CRAMP1: variants seen among roughly 807,000 people sequenced by gnomAD.
CRAMP1 encodes the protein cramped chromatin regulator 1, also known as protein cramped-like.
CRAMP1 carries 50 observed loss-of-function variants against 115.4 expected under a neutral mutation model. The ratio of observed to expected loss-of-function variants is 0.43; its 90% CI spans 0.35 to 0.55. CRAMP1 has a LOEUF of 0.55. Among genes scored for constraint, CRAMP1 ranks in the 20% least tolerant of loss-of-function variants. The pLI, the probability that CRAMP1 is intolerant of heterozygous loss-of-function variation, is 0.01. For synonymous variants in CRAMP1, 866 were observed against 745.4 expected, an observed-to-expected ratio of 1.16 and a Z score of -2.64; for missense variants, 1,679 against 1,721.7, an observed-to-expected ratio of 0.98 and a Z score of 0.44.
chr16:1,646,479 C>T (rs2036675360), intron 6 of CRAMP1, among the ~76,000 whole-genome samples: 1 of 152,192 alleles, frequency 6.6e-6, no homozygotes, highest in Non-Finnish European at 1.5e-5. Flanking sequence ...GTGTCTTTCT[C>T]GTGCTTATTT....
At chr16:1,664,025 G>A (rs1489996181) in intron 13 of CRAMP1, among the ~76,000 whole-genome samples, 1 of 152,118 alleles carries the variant, frequency 6.6e-6, no homozygotes, top group Non-Finnish European at 1.5e-5. Flanking sequence ...GAAAGCTCCC[G>A]CTACTAGGCT....
intron 6 of CRAMP1, among the ~76,000 whole-genome samples, chr16:1,650,584 G>A (rs1046337201): frequency 6.6e-5 from 10 of 152,130 alleles, no homozygotes; most frequent in African/African-American, 2.4e-4. Flanking sequence ...GTGTCTTTCT[G>A]AATTTTTTTC....
rs1596479278 is a variant in CRAMP1 at position 1,614,188 on chromosome 16, G to C, written c.-1-451G>C. On this transcript the variant is annotated intron_variant, in intron 1 of 20. Coordinates refer to ENST00000397412, the MANE Select transcript of CRAMP1 (RefSeq NM_020825.4). The surrounding 1 kb of genome is among the most constrained non-coding windows in gnomAD (Gnocchi z 4.4). ...GGCCGGCCGAGGCGGCGCAGGGAGC[G>C]AGGCCGGCGCGCAGGGCCAGGCCAT... Among the ~76,000 whole-genome samples the C allele has an allele frequency of 6.7e-6, 1 of 148,166 alleles. No individual in the cohort carries two copies.
Position 1,656,316 on chromosome 16 carries a change from G to A in CRAMP1, c.1559G>A (p.Gly520Glu), listed in dbSNP as rs1356140035. The change falls in exon 10 of 21, where the codon GGG (glycine) becomes GAG (glutamate). Residue 520 changes from glycine to glutamate, a missense_variant. Transcript: ENST00000397412. This position sits in a 1 kb window ranked among gnomAD's most constrained non-coding sequence, Gnocchi z 5.6. ...DRPPPRHQDT[G>E]PCLEKTPAEG... ...CCTCCTCCCAGGCACCAGGACACTG[G>A]GCCATGTCTTGAGAAGACCCCTGCA... 3 of 1,611,582 alleles carry A rather than the reference G, an allele frequency of 1.9e-6. No homozygotes were observed. The African/African-American group carries it at 4.0e-5, about 22-fold the overall frequency.
chr16:1,667,928 TG>T, intron 17 of CRAMP1, 33 bp from the exon 18 acceptor site: 5 of 1,388,134 alleles, frequency 3.6e-6, no homozygotes, highest in Non-Finnish European at 5.0e-6. Context: ...CTGATAGACC[TG>T]GTTGTGTCTG....
intron 2 of CRAMP1, among the ~76,000 whole-genome samples, chr16:1,623,068 T>C (rs2036479174): frequency 6.6e-6 from 1 of 152,198 alleles, no homozygotes; most frequent in South Asian, 2.1e-4. Flanking sequence ...GGTTAATTTT[T>C]GTATTTTTAG....
intron 20 of CRAMP1, among the ~76,000 whole-genome samples, chr16:1,673,581 C>T (rs2036940881): frequency 6.6e-6 from 1 of 152,250 alleles, no homozygotes; most frequent in African/African-American, 2.4e-5. Flanking sequence ...TGCATACAGT[C>T]TGTCTACCTG....
At chr16:1,613,151 G>C (rs2036375622) in intron 1 of CRAMP1, among the ~76,000 whole-genome samples, 1 of 152,176 alleles carries the variant, frequency 6.6e-6, no homozygotes, top group Admixed American at 6.5e-5. Context: ...TGAGTGGAAA[G>C]AGGTGGGTTG....
chr16:1,664,888 T>C (rs2036860615), intron 13 of CRAMP1, among the ~76,000 whole-genome samples, 169 bp from the exon 14 acceptor site: 1 of 152,144 alleles, frequency 6.6e-6, no homozygotes, highest in South Asian at 2.1e-4. Flanking sequence ...TTGGGGTACA[T>C]GGGTCCTAAC....
chr16:1,669,062 C>T lies in CRAMP1; in HGVS notation c.3396C>T (p.Pro1132=), dbSNP rs1424563522. 1.2e-6 allele frequency: 2 copies of T among 1,612,648 alleles called. No individual in the cohort carries two copies. The highest frequency in any genetic ancestry group is 2.2e-5 in the East Asian group (1 of 44,794). ...LNGSDSSKSL[P]SPSSSPQPHW... is the part of the protein sequence containing the mutation. ...GCAGTGACAGTTCCAAGAGCCTTCCCTCCCCGTCCAGCAGCCCCCAGCCAC... is the reference window on the plus strand; with the variant it reads ...GCAGTGACAGTTCCAAGAGCCTTCCTTCCCCGTCCAGCAGCCCCCAGCCAC... Residue 1132 remains proline (P), a synonymous_variant, in exon 19 of 21, where the codon CCC becomes CCT. Transcript: ENST00000397412. The surrounding 1 kb of genome is among the most constrained non-coding windows in gnomAD (Gnocchi z 4.6).
intron 5 of CRAMP1, among the ~76,000 whole-genome samples, chr16:1,640,471 G>T (rs1249840580): frequency 3.3e-5 from 5 of 152,256 alleles, no homozygotes; most frequent in African/African-American, 1.2e-4. Flanking sequence ...TTCGTTTGTG[G>T]AGTTTTTTTC....
chr16:1,616,008 TCTC>T (rs1047680695), intron 2 of CRAMP1, among the ~76,000 whole-genome samples: 9 of 152,166 alleles, frequency 5.9e-5, no homozygotes, highest in African/African-American at 1.7e-4. Context: ...TAAGCCCACT[TCTC>T]CTGCCGCATT....
rs2036769820 is a variant in CRAMP1 at position 1,656,075 on chromosome 16, C to T, written c.1318C>T (p.His440Tyr). ...GTGCAAGCAGAGTGCCAAGGACGCC[C>T]ACGTGCTGCCCCCAGCCCAGATCCT... Reference protein sequence around the residue: ...GRCKQSAKDAHVLPPAQILGI... With the variant: ...GRCKQSAKDAYVLPPAQILGI... The change falls in exon 10 of 21, where the codon CAC becomes TAC. Residue 440 changes from histidine to tyrosine, a missense_variant. By Grantham distance (83) the His-to-Tyr change is moderately conservative (BLOSUM62 2). Transcript: ENST00000397412. This position sits in a 1 kb window ranked among gnomAD's most constrained non-coding sequence, Gnocchi z 5.6. 6.2e-7 allele frequency: 1 copy of T among 1,610,208 alleles called. No individual in the cohort carries two copies. The highest frequency in any genetic ancestry group is 8.5e-7 in the Non-Finnish European group (1 of 1,178,988).
chr16:1,640,834 G>A (rs892968533), intron 5 of CRAMP1, among the ~76,000 whole-genome samples: 6 of 152,284 alleles, frequency 3.9e-5, no homozygotes, highest in Non-Finnish European at 4.4e-5. Context: ...GGCGCTGGGG[G>A]ACCTAGGAGG....
chr16:1,656,973 C>T lies in CRAMP1; in HGVS notation c.2216C>T (p.Thr739Ile). ...AGCTGCCTCCTGAAGCTCATTTCCA[C>T]CGAGGTCAACCCCAAGCTGGTGAGT... The part of the protein sequence containing the change: ...LLSCLLKLIS[T>I]EVNPKLALEA... Residue 739 changes from threonine to isoleucine, a missense_variant, in exon 10 of 21, where the codon ACC becomes ATC. Around this residue, in one of 8 missense-constraint regions of CRAMP1, gnomAD observed 709 missense variants for 741.9 expected, o/e 0.96. Transcript: ENST00000397412. The surrounding 1 kb of genome is among the most constrained non-coding windows in gnomAD (Gnocchi z 5.6). 1 of 1,542,244 alleles carries T rather than the reference C, an allele frequency of 6.5e-7. No homozygotes were observed. The highest frequency in any genetic ancestry group is 1.9e-5 in the Admixed American group (1 of 52,124).
intron 2 of CRAMP1, among the ~76,000 whole-genome samples, chr16:1,619,647 G>T (rs2036449912): frequency 6.6e-6 from 1 of 152,202 alleles, no homozygotes; most frequent in Non-Finnish European, 1.5e-5. Context: ...AAACAGTGGA[G>T]TTCTAGTTGT....
At chr16:1,618,823 A>G (rs893799787) in intron 2 of CRAMP1, among the ~76,000 whole-genome samples, 15 of 151,860 alleles carry the variant, frequency 9.9e-5, no homozygotes, top group African/African-American at 3.4e-4. Context: ...TGAGCTGTGG[A>G]CATTGCACTC....
At chr16:1,649,785 ATTTT>A (rs35942594) in intron 6 of CRAMP1, among the ~76,000 whole-genome samples, 65 of 65,766 alleles carry the variant, frequency 9.9e-4, no homozygotes, top group African/African-American at 4.3e-3. Context: ...ATGAGCCACT[ATTTT>A]TTTTTTTTTT....
chr16:1,644,579 G>C (rs1357502991), intron 6 of CRAMP1, among the ~76,000 whole-genome samples: 2 of 152,206 alleles, frequency 1.3e-5, no homozygotes, highest in African/African-American at 4.8e-5. Flanking sequence ...ACCTGCCTGG[G>C]GCGTTTAGGG....
Sources: allele counts gnomAD v4.1 joint callset (sites outside exome capture counted in the v4.1 genomes callset), GRCh38; gene constraint gnomAD v4.1.1; regional missense constraint gnomAD v4.1.1; non-coding constraint Gnocchi (gnomAD v3.1); transcripts MANE v1.5; gene names NCBI Gene and HGNC (gene_info 2026-07-23, HGNC 2026-07-21).